NUMB: variants seen among roughly 807,000 people sequenced by gnomAD.
NUMB encodes the protein protein numb homolog.
Under a neutral mutation model 59.7 loss-of-function variants are expected in NUMB, and 29 were observed. The observed-to-expected ratio is 0.49, with a 90% CI of 0.36 to 0.66. The LOEUF is 0.66. Among genes scored for constraint, NUMB ranks in the 30% least tolerant of loss-of-function variants. The pLI is 0.00. For synonymous variants in NUMB, 288 were observed against 288.2 expected (o/e 1.00, Z 0.01); for missense variants, 723 against 822.0 (o/e 0.88, Z 1.47).
At chr14:73,340,072 T>C (rs1892548809) in intron 4 of NUMB, among the ~76,000 whole-genome samples, 2 of 152,194 alleles carry the variant, frequency 1.3e-5, no homozygotes, top group African/African-American at 4.8e-5. Flanking sequence ...AGTTACTGAT[T>C]AGGCTCTGGC....
At chr14:73,402,674 C>T (rs960526636) in intron 2 of NUMB, among the ~76,000 whole-genome samples, 5 of 152,178 alleles carry the variant, frequency 3.3e-5, no homozygotes, top group Non-Finnish European at 7.3e-5. Context: ...TCACACTTCA[C>T]GACTGCCTTG....
rs752154048 is a variant in NUMB, at chr14:73,445,354, CAAAAAAAAAAAAAAAAAA to C, written c.-233+13121_-233+13138del. On this transcript the variant is annotated intron_variant, in intron 1 of 12. Coordinates refer to ENST00000555238, the MANE Select transcript of NUMB (RefSeq NM_001005743.2). ...TGAGTGACAAAGTGAGACCCTGTCT[CAAAAAAAAAAAAAAAAAA>C]AAAAAAAAAAAAAAAAAAAAAAAAC... 6.8e-4 allele frequency among the ~76,000 whole-genome samples: 39 copies of C among 57,566 alleles called. 1 individual carries two copies. Among genetic ancestry groups the C allele is most frequent in the East Asian group, 2.4e-3 (2 of 830 alleles). 37.8% of individuals were successfully genotyped at this position (57,566 alleles called of 152,430 possible). A position where few individuals can be genotyped will look rare whatever the true frequency, so the allele number is the denominator to read the frequency against.
At chr14:73,362,246 T>C (rs1894132381) in intron 3 of NUMB, among the ~76,000 whole-genome samples, 2 of 151,734 alleles carry the variant, frequency 1.3e-5, no homozygotes, top group African/African-American at 2.4e-5. Context: ...GACAGAGTGA[T>C]ACCTTGTCTC....
At chr14:73,445,354 C>CAAAAAAAAAAAAAAAAAA (rs752154048) in intron 1 of NUMB, among the ~76,000 whole-genome samples, 4 of 57,576 alleles carry the variant, frequency 6.9e-5, no homozygotes, top group East Asian at 1.2e-3. Flanking sequence ...GACCCTGTCT[C>CAAAAAAAAAAAAAAAAAA]AAAAAAAAAA....
intron 1 of NUMB, among the ~76,000 whole-genome samples, chr14:73,425,398 G>A (rs1897536222): frequency 6.6e-6 from 1 of 151,732 alleles, no homozygotes; most frequent in Non-Finnish European, 1.5e-5. Flanking sequence ...TAGAAATAGG[G>A]GTCTCGCTAT....
At position 73,416,372 on chromosome 14, in the gene NUMB, A is replaced by G. The variant is rs370050162; in HGVS notation, c.-232-6304T>C. On this transcript the variant is annotated intron_variant, in intron 1 of 12. Coordinates refer to ENST00000555238, the MANE Select transcript of NUMB (RefSeq NM_001005743.2). ...TACTAGAATCACTATGCCAGTTAGA[A>G]TAAGTTTAAAGGTTGTGGGGGCGCA... 2.4e-4 allele frequency among the ~76,000 whole-genome samples: 36 copies of G among 150,958 alleles called. 1 individual carries two copies. The highest frequency in any genetic ancestry group is 1.5e-3 in the East Asian group (8 of 5,178).
intron 4 of NUMB, among the ~76,000 whole-genome samples, chr14:73,324,030 TCTGCCCAAAGATAGATCCTTCAAAAAGG>T (rs1891538059): frequency 6.6e-6 from 1 of 152,182 alleles, no homozygotes; most frequent in Non-Finnish European, 1.5e-5. Flanking sequence ...AGCTCTCTTA[TCTGCCCAAAGATAGATCCTTCAAAAAGG>T]AGCTCAATTG....
At chr14:73,319,524 C>T (rs1891280474) in intron 5 of NUMB, among the ~76,000 whole-genome samples, 1 of 152,052 alleles carries the variant, frequency 6.6e-6, no homozygotes. Context: ...CTTATATTTG[C>T]TCCCACTTAT....
intron 1 of NUMB, among the ~76,000 whole-genome samples, chr14:73,427,164 A>C (rs1387744803): frequency 6.6e-6 from 1 of 152,180 alleles, no homozygotes; most frequent in Non-Finnish European, 1.5e-5. Context: ...CTTAAGTTGC[A>C]TGACCCAGAC....
chr14:73,345,841 G>A (rs1892888329), intron 4 of NUMB, among the ~76,000 whole-genome samples: 1 of 152,056 alleles, frequency 6.6e-6, no homozygotes, highest in South Asian at 2.1e-4. Context: ...CCAGCAGGCA[G>A]AGGTTGCATT....
intron 4 of NUMB, among the ~76,000 whole-genome samples, chr14:73,333,562 T>C (rs1373520314): frequency 6.6e-6 from 1 of 152,068 alleles, no homozygotes; most frequent in African/African-American, 2.4e-5. Context: ...TCAAGTCCTT[T>C]GCCCATTTAA....
chr14:73,350,685 C>T (rs1300461575), intron 4 of NUMB, among the ~76,000 whole-genome samples: 1 of 138,918 alleles, frequency 7.2e-6, no homozygotes, highest in Non-Finnish European at 1.5e-5. Context: ...GTGTGTACTA[C>T]CACATCTAGC....
At chr14:73,354,593 A>C (rs895551607) in intron 4 of NUMB, among the ~76,000 whole-genome samples, 3 of 151,436 alleles carry the variant, frequency 2.0e-5, no homozygotes, top group African/African-American at 7.3e-5. Context: ...TTGGGGGCTG[A>C]GGCGGGAGGA....
intron 5 of NUMB, among the ~76,000 whole-genome samples, chr14:73,317,295 GTTTT>G (rs1891135771): frequency 7.3e-6 from 1 of 137,930 alleles, no homozygotes; most frequent in African/African-American, 2.6e-5. Flanking sequence ...TTATTATTTG[GTTTT>G]TGTTTGTTTG....
chr14:73,362,364 A>C (rs762303405), intron 3 of NUMB, among the ~76,000 whole-genome samples: 1 of 150,170 alleles, frequency 6.7e-6, no homozygotes, highest in Non-Finnish European at 1.5e-5. Flanking sequence ...CAGAGATGTT[A>C]AAGTGTGAGA....
At chr14:73,327,316 G>A (rs145944773) in intron 4 of NUMB, among the ~76,000 whole-genome samples, 7 of 152,290 alleles carry the variant, frequency 4.6e-5, no homozygotes, top group African/African-American at 1.7e-4. Context: ...GAGTACAGTG[G>A]TGCAATCTCA....
intron 2 of NUMB, among the ~76,000 whole-genome samples, chr14:73,388,227 G>A (rs1008326170): frequency 2.0e-5 from 3 of 152,116 alleles, no homozygotes; most frequent in Non-Finnish European, 2.9e-5. Context: ...AAAGTTCTGG[G>A]CCAGGCATGA....
chr14:73,398,883 C>T (rs531698334), intron 2 of NUMB, among the ~76,000 whole-genome samples: 5 of 152,010 alleles, frequency 3.3e-5, no homozygotes, highest in Admixed American at 1.3e-4. Context: ...TTCCTTTTCT[C>T]GGTATATACT....
At chr14:73,330,699 G>C (rs1891926416) in intron 4 of NUMB, among the ~76,000 whole-genome samples, 1 of 152,098 alleles carries the variant, frequency 6.6e-6, no homozygotes, top group Non-Finnish European at 1.5e-5. Flanking sequence ...TTTAAGTACA[G>C]ATTTAGTATA....
Sources: gnomAD v4.1 joint callset for allele counts (sites outside exome capture counted in the v4.1 genomes callset) on GRCh38, gnomAD v4.1.1 for gene constraint, MANE v1.5 for transcripts, NCBI Gene and HGNC (gene_info 2026-07-23, HGNC 2026-07-21) for gene names.